Variants in PCSK2 observed in about 807,000 individuals in gnomAD.
PCSK2 encodes the protein proprotein convertase subtilisin/kexin type 2, also known as neuroendocrine convertase 2.
Under a neutral mutation model 69.7 loss-of-function variants are expected in PCSK2, and 14 were observed. The ratio of observed to expected loss-of-function variants is 0.20; its 90% CI spans 0.13 to 0.31. The LOEUF (loss-of-function observed/expected upper bound fraction) is 0.31. Among genes scored for constraint, PCSK2 ranks in the 10% least tolerant of loss-of-function variants. PCSK2 has a pLI of 1.00. For synonymous variants in PCSK2, 307 were observed against 320.7 expected (o/e 0.96, Z 0.46); for missense variants, 544 against 842.5 (o/e 0.65, Z 4.39).
chr20:17,227,535 G>GC, intron 1 of PCSK2, 53 bp downstream of exon 1: 1 of 1,389,238 alleles, frequency 7.2e-7, no homozygotes, highest in East Asian at 2.3e-5. Context: ...GGACGGGGGG[G>GC]CAGCCCTGCG....
intron 11 of PCSK2, among the ~76,000 whole-genome samples, chr20:17,470,248 T>C (rs952673163): frequency 4.6e-5 from 7 of 152,216 alleles, no homozygotes; most frequent in African/African-American, 1.7e-4. Flanking sequence ...AGCTTGTGGC[T>C]ATTGAGTGCT....
intron 2 of PCSK2, among the ~76,000 whole-genome samples, chr20:17,273,334 T>C (rs1987940130): frequency 6.6e-6 from 1 of 152,140 alleles, no homozygotes; most frequent in East Asian, 1.9e-4. Flanking sequence ...CATTTTATCA[T>C]CTCTACCATT....
intron 2 of PCSK2, among the ~76,000 whole-genome samples, chr20:17,349,602 T>C (rs1036500325): frequency 2.0e-5 from 3 of 151,986 alleles, no homozygotes; most frequent in Non-Finnish European, 4.4e-5. Flanking sequence ...GTGTCCCATA[T>C]GGATGCGTCC....
chr20:17,270,191 C>CA (rs73619864), intron 2 of PCSK2, among the ~76,000 whole-genome samples: 4 of 152,086 alleles, frequency 2.6e-5, no homozygotes, highest in African/African-American at 4.8e-5. Context: ...GGTGATGCCT[C>CA]AAAAAAAATT....
intron 2 of PCSK2, among the ~76,000 whole-genome samples, chr20:17,295,484 CTTATTTATTTA>C (rs1360809212): frequency 2.0e-5 from 3 of 146,424 alleles, no homozygotes; most frequent in South Asian, 2.2e-4. Context: ...TTTTTATTTA[CTTATTTATTTA>C]TTATTTATTT....
At chr20:17,394,499 C>T (rs1189895034) in intron 5 of PCSK2, among the ~76,000 whole-genome samples, 1 of 152,180 alleles carries the variant, frequency 6.6e-6, no homozygotes, top group Non-Finnish European at 1.5e-5. Context: ...CATCTATTCA[C>T]TGCAGAGTGT....
intron 5 of PCSK2, among the ~76,000 whole-genome samples, chr20:17,371,644 G>A (rs2030767233): frequency 6.6e-6 from 1 of 151,902 alleles, no homozygotes. Context: ...CATATTTGGG[G>A]CCTTTAATTT....
chr20:17,407,561 T>C (rs554638034), intron 5 of PCSK2, among the ~76,000 whole-genome samples: 1 of 148,390 alleles, frequency 6.7e-6, no homozygotes, highest in East Asian at 1.9e-4. Context: ...CAAGTTACTA[T>C]TTCAAAATAG....
At chr20:17,278,446 C>G (rs1988175935) in intron 2 of PCSK2, among the ~76,000 whole-genome samples, 1 of 152,122 alleles carries the variant, frequency 6.6e-6, no homozygotes, top group Non-Finnish European at 1.5e-5. Flanking sequence ...TGGAAACCAT[C>G]ATTCTCAGCA....
At chr20:17,462,717 T>A (rs6075212) in intron 10 of PCSK2, among the ~76,000 whole-genome samples, 1 of 152,130 alleles carries the variant, frequency 6.6e-6, no homozygotes, top group African/African-American at 2.4e-5. Context: ...CATTGCGCAG[T>A]ACCTTCTCAT....
intron 1 of PCSK2, among the ~76,000 whole-genome samples, chr20:17,250,878 TC>T (rs1986951252): frequency 6.6e-6 from 1 of 152,092 alleles, no homozygotes; most frequent in Admixed American, 6.5e-5. Context: ...GGCGGGCAGA[TC>T]ACTTGGGGTC....
chr20:17,350,272 T>C (rs575019577), intron 2 of PCSK2, among the ~76,000 whole-genome samples: 97 of 151,252 alleles, frequency 6.4e-4, no homozygotes, highest in African/African-American at 2.2e-3. Flanking sequence ...TAGTGGTAAA[T>C]AAAATAATTC....
chr20:17,250,928 G>C (rs1986952558), intron 1 of PCSK2, among the ~76,000 whole-genome samples: 2 of 151,866 alleles, frequency 1.3e-5, no homozygotes, highest in South Asian at 4.2e-4. Flanking sequence ...AGCAAAACCT[G>C]ATCTCTACTA....
intron 2 of PCSK2, among the ~76,000 whole-genome samples, chr20:17,266,432 C>A (rs948381243): frequency 5.3e-5 from 8 of 152,318 alleles, no homozygotes; most frequent in Middle Eastern, 3.4e-3. Context: ...GGAAATTCCA[C>A]CCTTGTGATG....
intron 1 of PCSK2, among the ~76,000 whole-genome samples, chr20:17,229,107 C>T (rs189376379): frequency 2.0e-4 from 31 of 152,024 alleles, no homozygotes; most frequent in African/African-American, 5.8e-4. Flanking sequence ...ATTAGTTATA[C>T]GGAAGCTTAC....
chr20:17,429,423 A>G lies in PCSK2; in HGVS notation c.621-12A>G, dbSNP rs1361484991. On this transcript the variant is annotated splice_polypyrimidine_tract_variant and intron_variant, in intron 6 of 11. Coordinates refer to ENST00000262545, the MANE Select transcript of PCSK2 (RefSeq NM_002594.5). ...CACTGCATATCTAATGTGTCTTTAT[A>G]TTTTTCCAAAGCCACGGGACCCGAT... The G allele has an allele frequency of 6.2e-7, 1 of 1,610,018 alleles. No individual in the cohort carries two copies. Among genetic ancestry groups the G allele is most frequent in the East Asian group, 2.2e-5 (1 of 44,862 alleles).
intron 2 of PCSK2, among the ~76,000 whole-genome samples, chr20:17,350,850 TTGGCCAACA>T (rs1340158822): frequency 6.6e-6 from 1 of 151,810 alleles, no homozygotes; most frequent in African/African-American, 2.4e-5. Flanking sequence ...CGAGACCAGC[TTGGCCAACA>T]TGGTGAAACC....
Position 17,433,812 on chromosome 20 carries a change from T to TCTCTCTCTCTC in PCSK2, c.710-2895_710-2894insTCTCTCTCTCC, listed in dbSNP as rs774361715. 9.6e-5 allele frequency among the ~76,000 whole-genome samples: 10 copies of TCTCTCTCTCTC among 104,172 alleles called. 1 individual carries two copies. The highest frequency in any genetic ancestry group is 4.7e-3 in the Middle Eastern group (1 of 214). 68.3% of individuals were successfully genotyped at this position (104,172 alleles called of 152,430 possible). A position where few individuals can be genotyped will look rare whatever the true frequency, so the allele number is the denominator to read the frequency against. On this transcript the variant is annotated intron_variant, in intron 7 of 11. Transcript: ENST00000262545. ...CTCTCTCTCTCTCTCTCTCTCTCTC[T>TCTCTCTCTCTC]CCCCCCACTTCCTTCCCTCCTCCTC...
intron 2 of PCSK2, among the ~76,000 whole-genome samples, chr20:17,342,120 T>C (rs1215588139): frequency 6.6e-6 from 1 of 152,170 alleles, no homozygotes; most frequent in South Asian, 2.1e-4. Context: ...ACTGTAAATG[T>C]TCTTGAGTGA....
Sources: gnomAD v4.1 joint callset for allele counts (sites outside exome capture counted in the v4.1 genomes callset) on GRCh38, gnomAD v4.1.1 for gene constraint, MANE v1.5 for transcripts, NCBI Gene and HGNC (gene_info 2026-07-23, HGNC 2026-07-21) for gene names.